The following KIF13B variants were observed in gnomAD, a reference collection of about 807,000 sequenced individuals.
The protein encoded by KIF13B is kinesin family member 13B.
A neutral mutation model predicts 222.0 loss-of-function variants in KIF13B; 127 were observed. That is an observed-to-expected ratio of 0.57 (90% CI 0.50 to 0.66). The LOEUF (loss-of-function observed/expected upper bound fraction) is 0.66. KIF13B is among the 30% of genes least tolerant of loss of function. KIF13B has a pLI of 0.00. For synonymous variants in KIF13B, 976 were observed against 919.0 expected (o/e 1.06, Z -1.12); for missense variants, 2,173 against 2,379.0 (o/e 0.91, Z 1.80).
chr8:29,201,224 G>A (rs1490342123), intron 2 of KIF13B, among the ~76,000 whole-genome samples: 2 of 152,138 alleles, frequency 1.3e-5, no homozygotes, highest in Non-Finnish European at 2.9e-5. Context: ...TGCTTTTTTG[G>A]AAGCAGGCAG....
chr8:29,120,492 C>T (rs1464066677), intron 29 of KIF13B, among the ~76,000 whole-genome samples: 1 of 14,018 alleles, frequency 7.1e-5, no homozygotes, highest in African/African-American at 3.2e-4. Flanking sequence ...ATCCATGTCC[C>T]TACAAAGGAC....
At chr8:29,109,839 C>A in intron 33 of KIF13B, 79 bp downstream of exon 33, 1 of 1,384,556 alleles carries the variant, frequency 7.2e-7, no homozygotes, top group South Asian at 1.3e-5. Flanking sequence ...TGCAACAACA[C>A]TGTGAATTAC....
intron 14 of KIF13B, among the ~76,000 whole-genome samples, chr8:29,155,023 G>T (rs747052781): frequency 2.6e-5 from 4 of 152,172 alleles, no homozygotes; most frequent in African/African-American, 9.7e-5. Context: ...CTCTGTAACA[G>T]GGGATAACAG....
intron 13 of KIF13B, among the ~76,000 whole-genome samples, chr8:29,160,430 C>T (rs954783939): frequency 1.6e-4 from 24 of 152,154 alleles, no homozygotes; most frequent in Admixed American, 1.2e-3. Flanking sequence ...CTAAATGAAT[C>T]ATTTAGTCTT....
At chr8:29,116,809 G>A (rs773022660) in intron 31 of KIF13B, 22 bp downstream of exon 31, 70 of 1,583,988 alleles carry the variant, frequency 4.4e-5, no homozygotes, top group African/African-American at 5.4e-5. Context: ...GGTTAGAGTC[G>A]TTTCTTCCAC....
At chr8:29,076,663 A>G (rs1288727961) in intron 37 of KIF13B, among the ~76,000 whole-genome samples, 2 of 152,230 alleles carry the variant, frequency 1.3e-5, no homozygotes, top group Non-Finnish European at 2.9e-5. Context: ...ACCTGAGGGC[A>G]CCACTATGAC....
intron 21 of KIF13B, among the ~76,000 whole-genome samples, chr8:29,136,520 T>C (rs1026577048): frequency 3.3e-5 from 5 of 151,960 alleles, no homozygotes; most frequent in South Asian, 2.1e-4. Context: ...GAGGTGGAGG[T>C]TGCAGTGAGT....
intron 37 of KIF13B, 58 bp downstream of exon 37, chr8:29,092,687 A>G: frequency 6.5e-7 from 1 of 1,529,300 alleles, no homozygotes; most frequent in Non-Finnish European, 8.8e-7. Context: ...CTTTGGCGCA[A>G]CACAGAGCAC....
chr8:29,143,319 G>A (rs1170697352), intron 18 of KIF13B, among the ~76,000 whole-genome samples: 4 of 152,234 alleles, frequency 2.6e-5, no homozygotes, highest in Non-Finnish European at 5.9e-5. Context: ...GTCCCTCTCA[G>A]AGGCTGAATT....
At chr8:29,260,945 G>C (rs1346826478) in intron 1 of KIF13B, among the ~76,000 whole-genome samples, 1 of 152,068 alleles carries the variant, frequency 6.6e-6, no homozygotes, top group Non-Finnish European at 1.5e-5. Context: ...ACAAACTTTG[G>C]ACACCAATTT....
At chr8:29,152,364 G>A (rs1479195224) in intron 14 of KIF13B, among the ~76,000 whole-genome samples, 4 of 152,118 alleles carry the variant, frequency 2.6e-5, no homozygotes, top group South Asian at 4.1e-4. Flanking sequence ...AAGTTCTACC[G>A]TGGGTAAAAT....
chr8:29,085,409 G>A (rs1199627267), intron 37 of KIF13B, among the ~76,000 whole-genome samples: 1 of 152,074 alleles, frequency 6.6e-6, no homozygotes, highest in Non-Finnish European at 1.5e-5. Context: ...CAAAATATAA[G>A]GAATGACTGG....
At chr8:29,238,273 C>T (rs755721202) in intron 2 of KIF13B, among the ~76,000 whole-genome samples, 1 of 152,118 alleles carries the variant, frequency 6.6e-6, no homozygotes, top group Non-Finnish European at 1.5e-5. Context: ...TGCCATAAGG[C>T]CCTCCCCTCA....
At chr8:29,199,265 A>G (rs887929076) in intron 2 of KIF13B, among the ~76,000 whole-genome samples, 1 of 152,158 alleles carries the variant, frequency 6.6e-6, no homozygotes, top group Non-Finnish European at 1.5e-5. Context: ...CATGGATGAA[A>G]GGCCTCACTT....
Position 29,114,426 on chromosome 8 carries a change from C to T in KIF13B, c.3838-871G>A, listed in dbSNP as rs149536116. 2.9e-3 allele frequency among the ~76,000 whole-genome samples: 441 copies of T among 152,282 alleles called. 4 individuals are homozygous for T. Among genetic ancestry groups the T allele is most frequent in the Middle Eastern group, 0.01 (3 of 294 alleles). On this transcript the variant is annotated intron_variant, in intron 31 of 39. Coordinates refer to ENST00000524189, the MANE Select transcript of KIF13B (RefSeq NM_015254.4). The stretch of plus-strand genomic sequence containing the variant: ...AGAGAGACCATTTATGTCATTAATT[C>T]TCTCCCTTAACTTTAGCCTTGCAGT...
chr8:29,124,364 AAT>A (rs1810013165), intron 26 of KIF13B, among the ~76,000 whole-genome samples: 1 of 152,204 alleles, frequency 6.6e-6, no homozygotes, highest in South Asian at 2.1e-4. Flanking sequence ...TTTTATTTCT[AAT>A]GGCTTGGGGG....
chr8:29,103,226 A>G (rs1444567233), intron 35 of KIF13B, among the ~76,000 whole-genome samples: 2 of 144,978 alleles, frequency 1.4e-5, no homozygotes, highest in African/African-American at 5.1e-5. Flanking sequence ...TGGGCGAAAG[A>G]GTGAGACTCT....
At chr8:29,154,992 T>C (rs1461231579) in intron 14 of KIF13B, among the ~76,000 whole-genome samples, 1 of 152,178 alleles carries the variant, frequency 6.6e-6, no homozygotes, top group Non-Finnish European at 1.5e-5. Flanking sequence ...CTCTAACAGT[T>C]ACAGACTGTT....
intron 2 of KIF13B, among the ~76,000 whole-genome samples, chr8:29,200,053 G>A (rs1490832056): frequency 6.6e-6 from 1 of 151,992 alleles, no homozygotes. Context: ...ATGACACATA[G>A]CAGAAGAATC....
Sources: allele counts gnomAD v4.1 joint callset (sites outside exome capture counted in the v4.1 genomes callset), GRCh38; gene constraint gnomAD v4.1.1; transcripts MANE v1.5; gene names NCBI Gene and HGNC (gene_info 2026-07-23, HGNC 2026-07-21).